FHIT: variants seen among roughly 807,000 people sequenced by gnomAD.
FHIT encodes the protein bis(5'-adenosyl)-triphosphatase.
Under a neutral mutation model 17.9 loss-of-function variants are expected in FHIT, and 19 were observed. The observed-to-expected ratio is 1.06, with a 90% CI of 0.74 to 1.56. The LOEUF (loss-of-function observed/expected upper bound fraction) is 1.56. FHIT is among the 40% of genes most tolerant of loss of function. The pLI is 0.00. For missense variants in FHIT, 248 were observed against 189.2 expected, an observed-to-expected ratio of 1.31 and a Z score of -1.82; for synonymous variants, 81 against 69.7, an observed-to-expected ratio of 1.16 and a Z score of -0.81.
chr3:60,230,759 G>A (rs772016703), intron 5 of FHIT, among the ~76,000 whole-genome samples: 12 of 152,182 alleles, frequency 7.9e-5, no homozygotes, highest in Non-Finnish European at 1.5e-4. Flanking sequence ...TGCTCAGGAT[G>A]GATTGCAGTG....
rs190103494 is a variant in FHIT, at chr3:59,794,666, C to T, written c.349-42345G>A. On this transcript the variant is annotated intron_variant, in intron 8 of 9. Coordinates refer to ENST00000492590, the MANE Select transcript of FHIT (RefSeq NM_002012.4). The stretch of plus-strand genomic sequence containing the variant: ...GCCCAGAGCCCAAGTGATATTGTAA[C>T]AGCACTTCCTGTGTGCTAAGCACTC... Among the ~76,000 whole-genome samples, 37 of 152,356 alleles carry T rather than the reference C, an allele frequency of 2.4e-4. 1 individual carries two copies. The Middle Eastern group carries it at 0.017, about 70-fold the overall frequency.
At chr3:61,046,617 G>A (rs903321606) in intron 2 of FHIT, among the ~76,000 whole-genome samples, 8 of 152,206 alleles carry the variant, frequency 5.3e-5, no homozygotes, top group Admixed American at 5.2e-4. Context: ...TAGAGAAAGA[G>A]GGAATCATCC....
chr3:60,581,313 G>A (rs2037742307), intron 4 of FHIT, among the ~76,000 whole-genome samples: 1 of 152,096 alleles, frequency 6.6e-6, no homozygotes, highest in Non-Finnish European at 1.5e-5. Flanking sequence ...GAGCTGACAA[G>A]TAGTCTAGAT....
rs560535297 is a variant in FHIT at position 60,965,163 on chromosome 3, G to A, written c.-111+76884C>T. Among the ~76,000 whole-genome samples the A allele has an allele frequency of 2.7e-5, 4 of 150,602 alleles. No individual in the cohort carries two copies. In the East Asian group the frequency reaches 5.8e-4, roughly 22 times the overall value. On this transcript the variant is annotated intron_variant, in intron 3 of 9. Coordinates refer to ENST00000492590, the MANE Select transcript of FHIT (RefSeq NM_002012.4). ...TCTTTTTTCTCTAAACGTCTCTTCC[G>A]GCTTCATTTCATTCATTTGTTCTTC...
chr3:60,788,549 G>C (rs1700662055), intron 4 of FHIT, among the ~76,000 whole-genome samples: 1 of 152,144 alleles, frequency 6.6e-6, no homozygotes. Context: ...TTATACACCT[G>C]TTGTAAAAAT....
At chr3:60,863,855 G>C (rs1244936250) in intron 3 of FHIT, among the ~76,000 whole-genome samples, 1 of 152,128 alleles carries the variant, frequency 6.6e-6, no homozygotes, top group Non-Finnish European at 1.5e-5. Context: ...AATAATTACA[G>C]CTGACATCTA....
At chr3:60,648,731 G>C (rs527943883) in intron 4 of FHIT, among the ~76,000 whole-genome samples, 114 of 152,274 alleles carry the variant, frequency 7.5e-4, no homozygotes, top group African/African-American at 2.5e-3. Flanking sequence ...GAGATGAAAA[G>C]CTAAAAAAGG....
At chr3:60,333,996 T>A (rs946395322) in intron 5 of FHIT, among the ~76,000 whole-genome samples, 1 of 152,030 alleles carries the variant, frequency 6.6e-6, no homozygotes, top group Non-Finnish European at 1.5e-5. Context: ...CATAAACCCC[T>A]CATTTTAGTC....
At chr3:60,542,088 G>A (rs1444997452) in intron 4 of FHIT, among the ~76,000 whole-genome samples, 1 of 151,860 alleles carries the variant, frequency 6.6e-6, no homozygotes, top group Non-Finnish European at 1.5e-5. Flanking sequence ...AATACACAGG[G>A]CCCTTATACA....
chr3:59,911,840 G>A, intron 8 of FHIT, among the ~76,000 whole-genome samples: 1 of 152,172 alleles, frequency 6.6e-6, no homozygotes, highest in East Asian at 1.9e-4. Flanking sequence ...AGGGGGCTGG[G>A]GAAGTGCCAG....
intron 2 of FHIT, among the ~76,000 whole-genome samples, chr3:61,141,818 C>A (rs1419970471): frequency 6.6e-6 from 1 of 151,586 alleles, no homozygotes; most frequent in Non-Finnish European, 1.5e-5. Flanking sequence ...AAATCAGTTA[C>A]CAAGTTCGTA....
chr3:60,973,586 T>G (rs1710116737), intron 3 of FHIT, among the ~76,000 whole-genome samples: 1 of 152,202 alleles, frequency 6.6e-6, no homozygotes, highest in African/African-American at 2.4e-5. Flanking sequence ...ATTTCCACTT[T>G]AGAAACTAAA....
intron 3 of FHIT, among the ~76,000 whole-genome samples, chr3:60,924,012 G>T (rs1553769137): frequency 6.6e-6 from 1 of 152,180 alleles, no homozygotes; most frequent in African/African-American, 2.4e-5. Flanking sequence ...GGCTTGGGGA[G>T]GGGCCCCTGC....
chr3:60,060,790 T>G (rs1486355945), intron 5 of FHIT, among the ~76,000 whole-genome samples: 1 of 152,228 alleles, frequency 6.6e-6, no homozygotes, highest in Non-Finnish European at 1.5e-5. Flanking sequence ...GTGTACCAGT[T>G]AGATTTAATC....
intron 5 of FHIT, among the ~76,000 whole-genome samples, chr3:60,280,316 A>G (rs1056745936): frequency 2.0e-5 from 3 of 152,176 alleles, no homozygotes; most frequent in South Asian, 2.1e-4. Flanking sequence ...AGTGTAGTAT[A>G]GTAGGCTGAC....
intron 8 of FHIT, among the ~76,000 whole-genome samples, chr3:59,803,177 C>G (rs747474294): frequency 1.3e-5 from 2 of 152,204 alleles, no homozygotes; most frequent in Non-Finnish European, 1.5e-5. Context: ...TTCCCTCCCA[C>G]TCACTCAATT....
intron 5 of FHIT, among the ~76,000 whole-genome samples, chr3:60,092,529 A>G (rs770988415): frequency 7.9e-5 from 12 of 152,212 alleles, no homozygotes; most frequent in Non-Finnish European, 1.5e-4. Flanking sequence ...GTGAAACATG[A>G]TAGCATTTCT....
intron 4 of FHIT, chr3:60,730,242 A>G: frequency 3.8e-6 from 1 of 262,994 alleles, no homozygotes. Flanking sequence ...TCATGGCCAC[A>G]GCCAGCTCAC....
chr3:59,883,725 T>A (rs1246577084), intron 8 of FHIT, among the ~76,000 whole-genome samples: 3 of 152,158 alleles, frequency 2.0e-5, no homozygotes, highest in African/African-American at 7.2e-5. Context: ...TGACATCAGG[T>A]TTGTAGCTTC....
Sources: allele counts gnomAD v4.1 joint callset (sites outside exome capture counted in the v4.1 genomes callset), GRCh38; gene constraint gnomAD v4.1.1; transcripts MANE v1.5; gene names NCBI Gene and HGNC (gene_info 2026-07-23, HGNC 2026-07-21).